The following CDYL2 variants were observed in gnomAD, a reference collection of about 807,000 sequenced individuals.
CDYL2 encodes chromodomain Y like 2.
Under a neutral mutation model 49.4 loss-of-function variants are expected in CDYL2, and 23 were observed. That is an observed-to-expected ratio of 0.47 (90% CI 0.34 to 0.66). The LOEUF is 0.66. Among genes scored for constraint, CDYL2 ranks in the 30% least tolerant of loss-of-function variants. The probability of loss-of-function intolerance (pLI) is 0.01; values close to 1 mark genes in which losing one functional copy is unlikely to be tolerated. For missense variants in CDYL2, 678 were observed against 656.4 expected (o/e 1.03, Z -0.36); for synonymous variants, 360 against 268.8 (o/e 1.34, Z -3.32).
Position 80,599,722 on chromosome 16 carries a change from G to C in CDYL2, c.*4666C>G, listed in dbSNP as rs1905996097. On this transcript the variant is annotated 3_prime_UTR_variant, in exon 7 of 7. Transcript: ENST00000570137. ...CCAAGTCATCGACAAGGAATCTGGGGCCAACTGCCAGGGTCAGGAGCAGGA... is the reference window on the plus strand; with the variant it reads ...CCAAGTCATCGACAAGGAATCTGGGCCCAACTGCCAGGGTCAGGAGCAGGA... 6.6e-6 allele frequency: 1 copy of C among 152,144 alleles called. No individual in the cohort carries two copies. Among genetic ancestry groups the C allele is most frequent in the South Asian group, 2.1e-4 (1 of 4,830 alleles). The allele number at this position is 152,144 out of a possible 1,614,324, so 9.4% of individuals were successfully genotyped here.
intron 1 of CDYL2, among the ~76,000 whole-genome samples, chr16:80,716,745 G>A (rs1175818411): frequency 6.6e-6 from 1 of 152,136 alleles, no homozygotes; most frequent in African/African-American, 2.4e-5. Context: ...TGGATCGATG[G>A]ATGGATGATA....
intron 1 of CDYL2, among the ~76,000 whole-genome samples, chr16:80,777,191 C>T (rs1352395558): frequency 1.3e-5 from 2 of 151,918 alleles, no homozygotes; most frequent in African/African-American, 4.8e-5. Flanking sequence ...CTTGGGGAGA[C>T]GGAAGGAGTA....
intron 1 of CDYL2, among the ~76,000 whole-genome samples, chr16:80,730,937 T>C (rs1229057740): frequency 6.6e-6 from 1 of 152,046 alleles, no homozygotes; most frequent in Non-Finnish European, 1.5e-5. Flanking sequence ...ATCAGTATGG[T>C]TAATGAGGGT....
chr16:80,701,682 T>C (rs1044035683), intron 1 of CDYL2, among the ~76,000 whole-genome samples: 12 of 152,252 alleles, frequency 7.9e-5, no homozygotes, highest in African/African-American at 2.9e-4. Flanking sequence ...ACCATGTTTC[T>C]GGATGGGAAG....
intron 1 of CDYL2, among the ~76,000 whole-genome samples, chr16:80,748,080 C>T (rs1011277624): frequency 2.7e-5 from 4 of 150,638 alleles, no homozygotes; most frequent in African/African-American, 7.3e-5. Context: ...ACCAGTTCAG[C>T]CATGGAGCCA....
Position 80,730,399 on chromosome 16 carries a change from C to A in CDYL2, c.25-45270G>T, listed in dbSNP as rs112294351. ...CACATACACTCTCCCAAGACTAAAC[C>A]AGGAAGAAGTTGAATCTCTGAATAG... On this transcript the variant is annotated intron_variant, in intron 1 of 6. Coordinates refer to ENST00000570137, the MANE Select transcript of CDYL2 (RefSeq NM_152342.4). Among the ~76,000 whole-genome samples, 1,153 of 152,010 alleles carry A rather than the reference C, an allele frequency of 7.6e-3. 19 individuals are homozygous for A. The highest frequency in any genetic ancestry group is 0.026 in the African/African-American group (1,072 of 41,424).
intron 2 of CDYL2, among the ~76,000 whole-genome samples, chr16:80,663,728 A>C (rs1251279425): frequency 1.3e-5 from 2 of 152,070 alleles, no homozygotes; most frequent in Non-Finnish European, 2.9e-5. Context: ...AAGTAGCTAG[A>C]ATTACAGGCA....
intron 2 of CDYL2, among the ~76,000 whole-genome samples, chr16:80,673,278 C>T (rs568847505): frequency 2.0e-5 from 3 of 152,074 alleles, no homozygotes; most frequent in Non-Finnish European, 4.4e-5. Context: ...CAAGATCATG[C>T]CATTGCACTC....
chr16:80,752,264 T>C (rs1250979003), intron 1 of CDYL2, among the ~76,000 whole-genome samples: 1 of 151,700 alleles, frequency 6.6e-6, no homozygotes, highest in Non-Finnish European at 1.5e-5. Context: ...CAGATAAATA[T>C]GAAAAAGAAC....
At chr16:80,660,267 T>C (rs1908988076) in intron 2 of CDYL2, among the ~76,000 whole-genome samples, 1 of 152,072 alleles carries the variant, frequency 6.6e-6, no homozygotes, top group Non-Finnish European at 1.5e-5. Flanking sequence ...ATGTAATTAC[T>C]GGCTGTGAAA....
chr16:80,756,916 T>C (rs1906330547), intron 1 of CDYL2, among the ~76,000 whole-genome samples: 1 of 151,698 alleles, frequency 6.6e-6, no homozygotes, highest in African/African-American at 2.4e-5. Flanking sequence ...GATAAGTCAT[T>C]TCCTGTTTTT....
At chr16:80,702,016 G>C (rs561998873) in intron 1 of CDYL2, among the ~76,000 whole-genome samples, 6 of 152,284 alleles carry the variant, frequency 3.9e-5, no homozygotes, top group African/African-American at 1.2e-4. Flanking sequence ...AAACAAAGTA[G>C]CATCAAATAT....
At chr16:80,642,205 G>A (rs1482540155) in intron 2 of CDYL2, among the ~76,000 whole-genome samples, 3 of 152,184 alleles carry the variant, frequency 2.0e-5, no homozygotes, top group African/African-American at 7.2e-5. Context: ...CACTTTGGGA[G>A]GCCGAGGTGG....
At chr16:80,705,475 A>G (rs1904374988) in intron 1 of CDYL2, among the ~76,000 whole-genome samples, 1 of 152,236 alleles carries the variant, frequency 6.6e-6, no homozygotes, top group South Asian at 2.1e-4. Flanking sequence ...GCTTTCAGGA[A>G]TGTTCTAGAA....
chr16:80,651,658 C>G (rs1227871167), intron 2 of CDYL2, among the ~76,000 whole-genome samples: 2 of 152,130 alleles, frequency 1.3e-5, no homozygotes, highest in African/African-American at 4.8e-5. Flanking sequence ...ACAAAAGAAT[C>G]CATCTGAATT....
chr16:80,723,543 C>A (rs2142528540), intron 1 of CDYL2, among the ~76,000 whole-genome samples: 1 of 152,290 alleles, frequency 6.6e-6, no homozygotes, highest in African/African-American at 2.4e-5. Flanking sequence ...GACCCCATGC[C>A]CCAGCACACT....
intron 1 of CDYL2, among the ~76,000 whole-genome samples, chr16:80,741,156 T>C (rs970540476): frequency 1.3e-4 from 19 of 149,270 alleles, no homozygotes; most frequent in African/African-American, 4.4e-4. Flanking sequence ...AACATATATA[T>C]ACATAATATA....
intron 1 of CDYL2, among the ~76,000 whole-genome samples, chr16:80,786,112 T>C (rs186924006): frequency 6.6e-6 from 1 of 152,270 alleles, no homozygotes; most frequent in East Asian, 1.9e-4. Context: ...AATTGACAAA[T>C]GGAATCTAAT....
In CDYL2 at chr16:80,648,650, G is replaced by A. The variant is rs577407102; in HGVS notation, c.617-15414C>T. Among the ~76,000 whole-genome samples, 7 of 150,550 alleles carry A rather than the reference G, an allele frequency of 4.6e-5. 1 individual carries two copies. The highest frequency in any genetic ancestry group is 2.1e-4 in the South Asian group (1 of 4,764). ...AAATACTTCCAAACTCATTCTACAA[G>A]GCCAGTATTACTCTGATACCAAAAT... On this transcript the variant is annotated intron_variant, in intron 2 of 6. Transcript: ENST00000570137.
Sources: gnomAD v4.1 joint callset for allele counts (sites outside exome capture counted in the v4.1 genomes callset) on GRCh38, gnomAD v4.1.1 for gene constraint, MANE v1.5 for transcripts, NCBI Gene and HGNC (gene_info 2026-07-23, HGNC 2026-07-21) for gene names.